Variants in KALRN observed in about 807,000 individuals in gnomAD.
KALRN encodes kalirin.
Under a neutral mutation model 353.7 loss-of-function variants are expected in KALRN, and 70 were observed. That is an observed-to-expected ratio of 0.20 (90% CI 0.16 to 0.24). The LOEUF (loss-of-function observed/expected upper bound fraction) is 0.24, where lower values mean the gene tolerates loss of function less well. Ranked by LOEUF, KALRN falls within the 10% of genes least tolerant of loss-of-function variation. The pLI is 1.00. For synonymous variants in KALRN, 1,391 were observed against 1,434.8 expected (o/e 0.97, Z 0.69); for missense variants, 2,791 against 3,756.7 (o/e 0.74, Z 6.72).
At chr3:124,662,737 A>T (rs2085055507) in intron 45 of KALRN, among the ~76,000 whole-genome samples, 1 of 152,230 alleles carries the variant, frequency 6.6e-6, no homozygotes. Context: ...TGCCAAAACA[A>T]AGTACCATAA....
intron 25 of KALRN, 50 bp from the exon 26 acceptor site, chr3:124,474,613 G>T: frequency 1.4e-6 from 2 of 1,450,218 alleles, no homozygotes; most frequent in South Asian, 1.1e-5. Flanking sequence ...AATCCTCTGG[G>T]GGGTCAGCTG....
At chr3:124,202,059 C>T (rs1182672007) in intron 1 of KALRN, among the ~76,000 whole-genome samples, 1 of 152,230 alleles carries the variant, frequency 6.6e-6, no homozygotes. Context: ...TCCTACCTCC[C>T]TTCACTTGCA....
At chr3:124,223,098 G>A (rs6764582) in intron 1 of KALRN, among the ~76,000 whole-genome samples, 6,638 of 148,994 alleles carry the variant, frequency 0.045, 493 homozygotes, top group African/African-American at 0.16. Context: ...GTGGTGTCCT[G>A]TCTCTGATAA....
intron 39 of KALRN, 105 bp downstream of exon 39, chr3:124,655,772 T>C: frequency 1.3e-6 from 1 of 745,958 alleles, no homozygotes; most frequent in Non-Finnish European, 2.4e-6. Context: ...TACTTTACTG[T>C]CTGAGCACTT....
chr3:124,641,589 G>A lies in KALRN; in HGVS notation c.5664+4286G>A, dbSNP rs115328062. Among the ~76,000 whole-genome samples the A allele has an allele frequency of 3.5e-3, 535 of 152,282 alleles. 3 individuals carry two copies. Among genetic ancestry groups the A allele is most frequent in the African/African-American group, 0.012 (504 of 41,554 alleles). ...CTCTTTTACCTCACTTATTAGTGAT[G>A]CTGATTCTGTCTATTCAAATCTAAT... On this transcript the variant is annotated intron_variant, in intron 37 of 59. Transcript: ENST00000682506.
chr3:124,129,419 A>G (rs771997099), intron 1 of KALRN, among the ~76,000 whole-genome samples: 92 of 152,196 alleles, frequency 6.0e-4, no homozygotes, highest in Admixed American at 1.4e-3. Context: ...TGCACCCTGC[A>G]TTTAGAACAG....
At chr3:124,402,511 A>AT (rs1339086790) in intron 13 of KALRN, among the ~76,000 whole-genome samples, 1 of 151,982 alleles carries the variant, frequency 6.6e-6, no homozygotes, top group East Asian at 1.9e-4. Context: ...AATACAGGTG[A>AT]TTTTTTTTCT....
At chr3:124,042,615 A>G (rs1478885384) in intron 1 of KALRN, among the ~76,000 whole-genome samples, 1 of 152,176 alleles carries the variant, frequency 6.6e-6, no homozygotes, top group Admixed American at 6.5e-5. Flanking sequence ...GGAACCCAAG[A>G]TTACTCCAAA....
chr3:124,544,643 T>C (rs1280858669), intron 33 of KALRN, among the ~76,000 whole-genome samples: 1 of 152,162 alleles, frequency 6.6e-6, no homozygotes, highest in Non-Finnish European at 1.5e-5. Flanking sequence ...TATATAGATA[T>C]AGATATAGAT....
intron 37 of KALRN, among the ~76,000 whole-genome samples, chr3:124,642,806 G>GTTTTTTGGTTGTTGTTGTTTTTTTT (rs2082198074): frequency 1.0e-5 from 1 of 96,840 alleles, no homozygotes; most frequent in Non-Finnish European, 1.9e-5. Flanking sequence ...CCCAAGCCTC[G>GTTTTTTGGTTGTTGTTGTTTTTTTT]TTTTTTTTTT....
At chr3:124,244,855 T>G (rs1401450996) in intron 3 of KALRN, among the ~76,000 whole-genome samples, 2 of 152,102 alleles carry the variant, frequency 1.3e-5, no homozygotes, top group African/African-American at 2.4e-5. Context: ...AATTTTTTTT[T>G]GCTTTTTAAA....
chr3:124,512,361 G>A (rs9873910), intron 33 of KALRN, among the ~76,000 whole-genome samples: 19,586 of 152,224 alleles, frequency 0.13, 1,395 homozygotes, highest in Middle Eastern at 0.24. Context: ...TTTTAAACAT[G>A]AAGGGGGTGG....
chr3:124,182,632 C>G (rs1386303522), intron 1 of KALRN, among the ~76,000 whole-genome samples: 19 of 152,216 alleles, frequency 1.2e-4, no homozygotes, highest in Admixed American at 1.2e-3. Flanking sequence ...CCAGTATATA[C>G]TCAAGGAGAG....
intron 6 of KALRN, among the ~76,000 whole-genome samples, chr3:124,306,631 T>C (rs2077731181): frequency 1.3e-5 from 2 of 152,156 alleles, no homozygotes; most frequent in African/African-American, 2.4e-5. Context: ...TTTTAAAATA[T>C]TTATGGCCAG....
chr3:124,230,795 T>C (rs1483784056), intron 2 of KALRN, among the ~76,000 whole-genome samples: 2 of 141,650 alleles, frequency 1.4e-5, no homozygotes. Flanking sequence ...GGGAAGATAA[T>C]GACTGGCTGC....
At chr3:124,209,293 T>G (rs2076694313) in intron 1 of KALRN, among the ~76,000 whole-genome samples, 1 of 151,660 alleles carries the variant, frequency 6.6e-6, no homozygotes, top group Admixed American at 6.6e-5. Context: ...TTGTCTGAGC[T>G]CAGGAGTTAG....
At chr3:124,504,603 T>C (rs2065001344) in intron 33 of KALRN, 1 of 315,198 alleles carries the variant, frequency 3.2e-6, no homozygotes, top group African/African-American at 2.2e-5. Flanking sequence ...ATGTGGCAAG[T>C]ATTAATGCCT....
At chr3:124,092,800 A>G (rs1292942809) in intron 1 of KALRN, among the ~76,000 whole-genome samples, 2 of 152,238 alleles carry the variant, frequency 1.3e-5, no homozygotes, top group African/African-American at 4.8e-5. Context: ...CCCATCCTAC[A>G]GACCTTGCAG....
At chr3:124,556,600 C>A (rs370973545) in intron 33 of KALRN, among the ~76,000 whole-genome samples, 1 of 152,136 alleles carries the variant, frequency 6.6e-6, no homozygotes. Flanking sequence ...GGCCCTAGAG[C>A]AAAATTGGAA....
Sources: allele counts gnomAD v4.1 joint callset (sites outside exome capture counted in the v4.1 genomes callset), GRCh38; gene constraint gnomAD v4.1.1; transcripts MANE v1.5; gene names NCBI Gene and HGNC (gene_info 2026-07-23, HGNC 2026-07-21).